The following THG1L variants were observed in gnomAD, a reference collection of about 807,000 sequenced individuals.
The protein encoded by THG1L is probable tRNA(His) guanylyltransferase.
THG1L carries 27 observed loss-of-function variants against 35.2 expected under a neutral mutation model. The observed-to-expected ratio is 0.77, with a 90% confidence interval of 0.57 to 1.06. The LOEUF (loss-of-function observed/expected upper bound fraction) is 1.06, where lower values mean the gene tolerates loss of function less well. THG1L is among the 50% of genes least tolerant of loss of function. The pLI is 0.00. For missense variants in THG1L, 377 were observed against 371.8 expected, an observed-to-expected ratio of 1.01 and a Z score of -0.12; for synonymous variants, 135 against 132.4, an observed-to-expected ratio of 1.02 and a Z score of -0.14.
intron 1 of THG1L, among the ~76,000 whole-genome samples, chr5:157,731,892 A>G (rs1337106317): frequency 6.6e-6 from 1 of 152,204 alleles, no homozygotes; most frequent in East Asian, 1.9e-4. Context: ...GTGAACAGAG[A>G]CTTGTTAGCA....
intron 4 of THG1L, among the ~76,000 whole-genome samples, chr5:157,737,427 G>A (rs953306149): frequency 9.2e-5 from 14 of 151,922 alleles, no homozygotes; most frequent in Non-Finnish European, 1.5e-4. Context: ...CAGTTGCAGT[G>A]AGCTGAGATT....
chr5:157,739,841 G>T lies in THG1L; in HGVS notation c.*359G>T, dbSNP rs1760988128. 1 of 162,482 alleles carries T rather than the reference G, an allele frequency of 6.2e-6. No individual in the cohort carries two copies. The highest frequency in any genetic ancestry group is 1.3e-5 in the Non-Finnish European group (1 of 75,264). The allele number at this position is 162,482 out of a possible 1,614,324, so 10.1% of individuals were successfully genotyped here. A position where few individuals can be genotyped will look rare whatever the true frequency, so the allele number is the denominator to read the frequency against. ...CTGTCAGTTATTTTCATCTATGAGAGAAGAGGAGCCCAAACTCTCGCCCAC... is the reference window on the plus strand; with the variant it reads ...CTGTCAGTTATTTTCATCTATGAGATAAGAGGAGCCCAAACTCTCGCCCAC... On this transcript the variant is annotated 3_prime_UTR_variant, in exon 6 of 6. Coordinates refer to ENST00000231198, the MANE Select transcript of THG1L (RefSeq NM_017872.5).
At chr5:157,733,748 G>A (rs79670802) in intron 2 of THG1L, among the ~76,000 whole-genome samples, 11,597 of 151,916 alleles carry the variant, frequency 0.076, 733 homozygotes, top group African/African-American at 0.17. Flanking sequence ...TAAGGGAGAG[G>A]ATTACTTGAG....
At chr5:157,734,322 A>G (rs919773565) in intron 2 of THG1L, among the ~76,000 whole-genome samples, 9 of 152,206 alleles carry the variant, frequency 5.9e-5, no homozygotes, top group Non-Finnish European at 1.3e-4. Context: ...CAGGAGGCAG[A>G]AGTTGCAGTG....
Position 157,733,043 on chromosome 5 carries a change from A to G in THG1L, c.367A>G (p.Ser123Gly). 1 of 1,613,872 alleles carries G rather than the reference A, an allele frequency of 6.2e-7. No homozygotes were observed. The highest frequency in any genetic ancestry group is 8.5e-7 in the Non-Finnish European group (1 of 1,179,748). The change falls in exon 2 of 6, where the codon AGT becomes GGT. Residue 123 changes from serine to glycine, a missense_variant and splice_region_variant. Coordinates refer to ENST00000231198, the MANE Select transcript of THG1L (RefSeq NM_017872.5). ...AACCAATTGGTTTAAAAGAAGAGCC[A>G]GGTAATTCCATGACCTAACTCCTTT... ...RKTNWFKRRA[S>G]KFMTHVASQF...
chr5:157,731,743 G>T (rs1561610262), intron 1 of THG1L, 112 bp downstream of exon 1: 97 of 1,351,066 alleles, frequency 7.2e-5, no homozygotes, highest in Non-Finnish European at 3.3e-5. Context: ...GGGTAACGCG[G>T]TAGCCAATGA....
In THG1L at chr5:157,740,646, A is replaced by C. The variant is rs1368804590; in HGVS notation, c.*1164A>C. The stretch of plus-strand genomic sequence containing the variant: ...GCTGGGTGCGGTGGCTCACGTCTGT[A>C]ATCCCAGCACCTTGGGAGGCCCAGG... On this transcript the variant is annotated 3_prime_UTR_variant, in exon 6 of 6. Transcript: ENST00000231198. The C allele has an allele frequency of 6.6e-6, 1 of 152,294 alleles. No individual in the cohort carries two copies. Among genetic ancestry groups the C allele is most frequent in the Non-Finnish European group, 1.5e-5 (1 of 68,126 alleles). 9.4% of individuals were successfully genotyped at this position (152,294 alleles called of 1,614,324 possible).
At position 157,739,523 on chromosome 5, in the gene THG1L, C is replaced by T. The variant is rs1202228162; in HGVS notation, c.*41C>T. The T allele has an allele frequency of 3.2e-6, 5 of 1,581,456 alleles. No individual in the cohort carries two copies. Among genetic ancestry groups the T allele is most frequent in the Admixed American group, 1.8e-5 (1 of 55,604 alleles). ...GTTCTGGTGTGCTTAACCATGCAAG[C>T]CCTCCCACCTCCCAGGGCTCCTTGC... is the stretch of plus-strand genomic sequence containing the variant. On this transcript the variant is annotated 3_prime_UTR_variant, in exon 6 of 6. Coordinates refer to ENST00000231198, the MANE Select transcript of THG1L (RefSeq NM_017872.5).
Position 157,731,450 on chromosome 5 carries a change from G to A in THG1L, c.10G>A (p.Ala4Thr), listed in dbSNP as rs757064188. Residue 4 changes from alanine to threonine, a missense_variant, in exon 1 of 6, where the codon GCC becomes ACC. Ala to Thr is a moderately conservative substitution (Grantham distance 58, BLOSUM62 0). Coordinates refer to ENST00000231198, the MANE Select transcript of THG1L (RefSeq NM_017872.5). Reference protein sequence around the residue: MWGACKVKVHDSLA... With the variant: MWGTCKVKVHDSLA... ...CCTTTCCGCGTGTAGAATGTGGGGC[G>A]CCTGTAAAGTTAAGGTTCACGATTC... The A allele has an allele frequency of 3.8e-6, 6 of 1,594,856 alleles. No individual in the cohort carries two copies. Among genetic ancestry groups the A allele is most frequent in the South Asian group, 1.1e-5 (1 of 87,920 alleles).
In THG1L at chr5:157,733,000, C is replaced by T. The variant is rs759755231; in HGVS notation, c.324C>T (p.Ser108=). Reference sequence around the variant, plus strand: ...CGTATGGACAGAGTGATGAGTACAGCTTTGTGTTCAAGCGGAAAACCAATT... The same window carrying T: ...CGTATGGACAGAGTGATGAGTACAGTTTTGTGTTCAAGCGGAAAACCAATT... ...VIAYGQSDEY[S]FVFKRKTNWF... is the part of the protein sequence containing the mutation. Residue 108 remains serine (S), a synonymous_variant, in exon 2 of 6, where the codon AGC becomes AGT. Coordinates refer to ENST00000231198, the MANE Select transcript of THG1L (RefSeq NM_017872.5). 3 of 1,614,188 alleles carry T rather than the reference C, an allele frequency of 1.9e-6. No individual in the cohort carries two copies. The highest frequency in any genetic ancestry group is 3.3e-5 in the Admixed American group (2 of 60,028).
rs764867321 is a variant in THG1L, at chr5:157,734,558, G to A, written c.369-18G>A. ...TTTTCTTTTTCTTACTCCACCCAAT[G>A]TGCGTTACATTTTCAAGTAAGTTCA... is the stretch of plus-strand genomic sequence containing the variant. On this transcript the variant is annotated intron_variant, in intron 2 of 5. Transcript: ENST00000231198. 1 of 1,613,212 alleles carries A rather than the reference G, an allele frequency of 6.2e-7. No homozygotes were observed. Among genetic ancestry groups the A allele is most frequent in the Non-Finnish European group, 8.5e-7 (1 of 1,179,402 alleles).
At chr5:157,738,337 T>C (rs1022833771) in intron 5 of THG1L, among the ~76,000 whole-genome samples, 2 of 152,228 alleles carry the variant, frequency 1.3e-5, no homozygotes, top group African/African-American at 4.8e-5. Context: ...ACTTTCACAC[T>C]GGATAATACC....
chr5:157,737,778 TC>T (rs1196858256), intron 4 of THG1L, 108 bp from the exon 5 acceptor site: 1 of 759,410 alleles, frequency 1.3e-6, no homozygotes, highest in African/African-American at 1.8e-5. Context: ...TTTGATAAAA[TC>T]CTTCCACTTC....
At chr5:157,734,258 T>C (rs1001544350) in intron 2 of THG1L, among the ~76,000 whole-genome samples, 1 of 151,968 alleles carries the variant, frequency 6.6e-6, no homozygotes, top group African/African-American at 2.4e-5. Flanking sequence ...CGTAGTGGCC[T>C]GCACCTGTAA....
chr5:157,734,525 C>T (rs190184496), intron 2 of THG1L, 51 bp from the exon 3 acceptor site: 33 of 1,602,892 alleles, frequency 2.1e-5, no homozygotes, highest in Admixed American at 2.0e-4. Flanking sequence ...TGAACTAATT[C>T]CGTGTATTTT....
At chr5:157,738,175 G>A (rs116615107) in intron 5 of THG1L, among the ~76,000 whole-genome samples, 181 bp downstream of exon 5, 125 of 152,238 alleles carry the variant, frequency 8.2e-4, no homozygotes, top group African/African-American at 2.9e-3. Context: ...GTAGTGGTCC[G>A]AAATCTCCCA....
chr5:157,739,203 C>A (rs916901388), intron 5 of THG1L, 118 bp from the exon 6 acceptor site: 19 of 846,954 alleles, frequency 2.2e-5, no homozygotes, highest in Admixed American at 5.1e-5. Flanking sequence ...CTATATATAT[C>A]TCAAATCTGG....
chr5:157,737,977 G>C lies in THG1L; in HGVS notation c.718G>C (p.Val240Leu), dbSNP rs752716427. The change falls in exon 5 of 6, where the codon GTG (valine) becomes CTG (leucine). Residue 240 changes from valine to leucine, a missense_variant. By Grantham distance (32) the Val-to-Leu change is conservative. Coordinates refer to ENST00000231198, the MANE Select transcript of THG1L (RefSeq NM_017872.5). ...GCTGCCGATGTATAGGAAAGGGACT[G>C]TGTTGATATGGCAGAAGGTAATGCT... ...NELPMYRKGT[V>L]LIWQKVDEVM... 2 of 1,611,758 alleles carry C rather than the reference G, an allele frequency of 1.2e-6. No individual in the cohort carries two copies. The highest frequency in any genetic ancestry group is 2.7e-5 in the African/African-American group (2 of 74,770).
Position 157,732,854 on chromosome 5 carries a change from T to C in THG1L, c.192-14T>C, listed in dbSNP as rs146749248. ...GCTTCCATCCATGCTTTCTTCCCTTTTTCCCCTGTGAAGGTTTGCTGAGAA... is the reference window on the plus strand; with the variant it reads ...GCTTCCATCCATGCTTTCTTCCCTTCTTCCCCTGTGAAGGTTTGCTGAGAA... On this transcript the variant is annotated splice_polypyrimidine_tract_variant and intron_variant, in intron 1 of 5. Transcript: ENST00000231198. 160 of 1,613,898 alleles carry C rather than the reference T, an allele frequency of 9.9e-5. No individual in the cohort carries two copies. In the African/African-American group the frequency reaches 2.0e-3, roughly 20 times the overall value.
Sources: allele counts gnomAD v4.1 joint callset (sites outside exome capture counted in the v4.1 genomes callset), GRCh38; gene constraint gnomAD v4.1.1; transcripts MANE v1.5; gene names NCBI Gene and HGNC (gene_info 2026-07-23, HGNC 2026-07-21).